PRKN: variants seen among roughly 807,000 people sequenced by gnomAD.
PRKN encodes the protein E3 ubiquitin-protein ligase parkin.
Under a neutral mutation model 59.5 loss-of-function variants are expected in PRKN, and 56 were observed. That is an observed-to-expected ratio of 0.94 (90% confidence interval 0.76 to 1.18). The LOEUF is 1.18. Among genes scored for constraint, PRKN ranks in the 50% most tolerant of loss-of-function variants. The pLI, the probability that PRKN is intolerant of heterozygous loss-of-function variation, is 0.00. For missense variants in PRKN, 657 were observed against 596.4 expected (o/e 1.10, Z -1.06); for synonymous variants, 250 against 222.1 (o/e 1.13, Z -1.12).
intron 1 of PRKN, among the ~76,000 whole-genome samples, chr6:162,510,894 C>G (rs896211973): frequency 2.6e-5 from 4 of 151,920 alleles, no homozygotes; most frequent in African/African-American, 4.8e-5. Flanking sequence ...CTGCACTCCA[C>G]CCTGGGCAAT....
rs117512292 is a variant in PRKN at position 162,204,893 on chromosome 6, C to T, written c.413-3641G>A. ...TTTTTTCTTTTTTGAGATGGAGTCT[C>T]GCTGTGTTGCCCAGACTGGAGTGGA... On this transcript the variant is annotated intron_variant, in intron 3 of 11. Transcript: ENST00000366898. Among the ~76,000 whole-genome samples the T allele has an allele frequency of 5.7e-3, 865 of 150,590 alleles. 5 individuals carry two copies. Among genetic ancestry groups the T allele is most frequent in the Non-Finnish European group, 0.01 (686 of 67,818 alleles).
intron 6 of PRKN, among the ~76,000 whole-genome samples, chr6:161,942,510 G>A (rs945020317): frequency 1.3e-5 from 2 of 152,044 alleles, no homozygotes; most frequent in African/African-American, 4.8e-5. Context: ...CAGCTTGGGC[G>A]ACAGAGCGAG....
chr6:161,477,599 C>A (rs560780838), intron 9 of PRKN, among the ~76,000 whole-genome samples: 6 of 151,650 alleles, frequency 4.0e-5, no homozygotes, highest in Admixed American at 3.3e-4. Flanking sequence ...AATTCAGTTG[C>A]AGCATAGAAG....
rs776365843 is a variant in PRKN at position 162,592,773 on chromosome 6, CA to C, written c.7+134888del. Among the ~76,000 whole-genome samples the C allele has an allele frequency of 2.1e-4, 32 of 149,286 alleles. 1 individual carries two copies. The highest frequency in any genetic ancestry group is 3.7e-4 in the Non-Finnish European group (25 of 66,686). ...AAAATTTTAAAAGATTCAGAAGGAT[CA>C]AAAGAGTGGGACATAGAAAAGGATC... On this transcript the variant is annotated intron_variant, in intron 1 of 11. Transcript: ENST00000366898.
chr6:162,505,428 G>A (rs1402688836), intron 1 of PRKN, among the ~76,000 whole-genome samples: 1 of 152,056 alleles, frequency 6.6e-6, no homozygotes, highest in South Asian at 2.1e-4. Context: ...GCATCACCTG[G>A]AAACGTATTA....
intron 2 of PRKN, among the ~76,000 whole-genome samples, chr6:162,427,790 C>T (rs1159698321): frequency 1.3e-5 from 2 of 151,924 alleles, no homozygotes; most frequent in Non-Finnish European, 2.9e-5. Flanking sequence ...GGACTACAGG[C>T]GCCCCAGACC....
At chr6:162,542,194 T>A (rs1299072212) in intron 1 of PRKN, among the ~76,000 whole-genome samples, 1 of 152,188 alleles carries the variant, frequency 6.6e-6, no homozygotes, top group African/African-American at 2.4e-5. Context: ...TTACTTAGTA[T>A]TTCATCTCTT....
intron 1 of PRKN, among the ~76,000 whole-genome samples, chr6:162,498,938 T>C (rs1793229123): frequency 6.6e-6 from 1 of 152,192 alleles, no homozygotes; most frequent in Non-Finnish European, 1.5e-5. Flanking sequence ...AGCATGTTCA[T>C]TCATTCGTTT....
intron 7 of PRKN, among the ~76,000 whole-genome samples, chr6:161,621,182 C>T (rs752168882): frequency 6.6e-6 from 1 of 152,026 alleles, no homozygotes; most frequent in Non-Finnish European, 1.5e-5. Context: ...GAGACAGAAG[C>T]AATAGGATAG....
At chr6:162,302,784 G>C (rs1038268723) in intron 2 of PRKN, among the ~76,000 whole-genome samples, 1 of 151,982 alleles carries the variant, frequency 6.6e-6, no homozygotes, top group Non-Finnish European at 1.5e-5. Context: ...TAGATATGTG[G>C]TAAGTTGTTA....
chr6:161,599,875 T>C (rs1359029948), intron 7 of PRKN, among the ~76,000 whole-genome samples: 1 of 152,126 alleles, frequency 6.6e-6, no homozygotes, highest in East Asian at 1.9e-4. Context: ...TGTTGATGGG[T>C]GAGGAATGTA....
chr6:162,445,689 TAAAAAAAAAAA>T (rs71004091), intron 1 of PRKN, among the ~76,000 whole-genome samples: 41 of 28,732 alleles, frequency 1.4e-3, no homozygotes, highest in African/African-American at 5.6e-3. Flanking sequence ...AGACCTTGTC[TAAAAAAAAAAA>T]AAAAAAAAAA....
intron 6 of PRKN, among the ~76,000 whole-genome samples, chr6:161,943,889 G>GCA (rs1779665568): frequency 1.5e-5 from 1 of 66,946 alleles, no homozygotes; most frequent in African/African-American, 6.5e-5. Context: ...CTGAGGGATT[G>GCA]GCCTGAGGAT....
intron 7 of PRKN, among the ~76,000 whole-genome samples, chr6:161,734,507 A>G (rs1787885160): frequency 6.6e-6 from 1 of 152,214 alleles, no homozygotes; most frequent in Non-Finnish European, 1.5e-5. Context: ...CTCTCTGATC[A>G]GCAGAGGACC....
chr6:161,900,953 T>C (rs1777895763), intron 6 of PRKN, among the ~76,000 whole-genome samples: 1 of 149,700 alleles, frequency 6.7e-6, no homozygotes, highest in Non-Finnish European at 1.5e-5. Context: ...TCTCGCTCTG[T>C]CACCCAGGCT....
At chr6:161,834,605 T>C (rs1255908287) in intron 6 of PRKN, among the ~76,000 whole-genome samples, 1 of 152,270 alleles carries the variant, frequency 6.6e-6, no homozygotes, top group Admixed American at 6.5e-5. Flanking sequence ...ACAAGCCGGC[T>C]GGAAGCTTCA....
chr6:162,454,815 T>C (rs1790791704), intron 1 of PRKN, among the ~76,000 whole-genome samples: 1 of 152,224 alleles, frequency 6.6e-6, no homozygotes, highest in Non-Finnish European at 1.5e-5. Flanking sequence ...GTGGCTCTGG[T>C]GCACCACCAC....
At chr6:162,119,521 A>ACC (rs1198641811) in intron 4 of PRKN, among the ~76,000 whole-genome samples, 1 of 152,146 alleles carries the variant, frequency 6.6e-6, no homozygotes, top group Non-Finnish European at 1.5e-5. Context: ...ATGCAGGAGA[A>ACC]GAGGCAAGGG....
At chr6:162,394,390 T>C (rs1248977734) in intron 2 of PRKN, among the ~76,000 whole-genome samples, 1 of 152,204 alleles carries the variant, frequency 6.6e-6, no homozygotes, top group Non-Finnish European at 1.5e-5. Context: ...ATCCTTATCA[T>C]GGCGTTCCTA....
Sources: allele counts gnomAD v4.1 joint callset (sites outside exome capture counted in the v4.1 genomes callset), GRCh38; gene constraint gnomAD v4.1.1; transcripts MANE v1.5; gene names NCBI Gene and HGNC (gene_info 2026-07-23, HGNC 2026-07-21).